The following MSI2 variants were observed in gnomAD, a reference collection of about 807,000 sequenced individuals.
MSI2 encodes musashi RNA binding protein 2, also known as RNA-binding protein Musashi homolog 2.
MSI2 carries 17 observed loss-of-function variants against 45.6 expected under a neutral mutation model. The observed-to-expected ratio is 0.37, with a 90% CI of 0.26 to 0.56. MSI2 has a LOEUF of 0.56. Among genes scored for constraint, MSI2 ranks in the 20% least tolerant of loss-of-function variants. The pLI is 0.77. For missense variants in MSI2, 293 were observed against 444.2 expected (o/e 0.66, Z 3.06); for synonymous variants, 156 against 158.2 (o/e 0.99, Z 0.11).
At chr17:57,424,973 G>A (rs906852362) in intron 6 of MSI2, among the ~76,000 whole-genome samples, 7 of 152,142 alleles carry the variant, frequency 4.6e-5, no homozygotes, top group African/African-American at 1.4e-4. Flanking sequence ...GATCCTCAGC[G>A]AGGCCCCATT....
intron 5 of MSI2, among the ~76,000 whole-genome samples, chr17:57,359,549 G>T (rs942299433): frequency 1.3e-5 from 2 of 152,170 alleles, no homozygotes; most frequent in African/African-American, 4.8e-5. Flanking sequence ...CTCAATAAAA[G>T]CTGGTAGTGA....
chr17:57,461,641 T>A (rs1317193414), intron 6 of MSI2, among the ~76,000 whole-genome samples: 1 of 151,886 alleles, frequency 6.6e-6, no homozygotes, highest in African/African-American at 2.4e-5. Context: ...GTTCAAGCGA[T>A]TCTCCTGCCT....
chr17:57,650,682 CTT>C (rs1911071460), intron 10 of MSI2, among the ~76,000 whole-genome samples: 1 of 152,224 alleles, frequency 6.6e-6, no homozygotes, highest in Non-Finnish European at 1.5e-5. Flanking sequence ...AAGTATGTCT[CTT>C]TTCATTGACA....
At chr17:57,349,553 G>C (rs1915858204) in intron 5 of MSI2, among the ~76,000 whole-genome samples, 1 of 152,298 alleles carries the variant, frequency 6.6e-6, no homozygotes, top group South Asian at 2.1e-4. Flanking sequence ...ACTGGGGGAA[G>C]AAGAAAGATG....
chr17:57,321,887 C>T (rs1009724337), intron 5 of MSI2, among the ~76,000 whole-genome samples: 1 of 152,046 alleles, frequency 6.6e-6, no homozygotes, highest in East Asian at 1.9e-4. Flanking sequence ...ACCTCTGCCT[C>T]CCGGATTCAA....
chr17:57,479,525 G>A (rs947949917), intron 6 of MSI2, among the ~76,000 whole-genome samples: 30 of 152,202 alleles, frequency 2.0e-4, no homozygotes, highest in Admixed American at 1.7e-3. Context: ...AGGTTTAATC[G>A]TAAATGATAA....
At chr17:57,484,223 G>GGA (rs2085707057) in intron 6 of MSI2, among the ~76,000 whole-genome samples, 2 of 152,134 alleles carry the variant, frequency 1.3e-5, no homozygotes, top group Admixed American at 6.5e-5. Flanking sequence ...CTGCTCCTCA[G>GGA]GCAGATGCCC....
At chr17:57,615,274 T>G (rs1907575950) in intron 8 of MSI2, among the ~76,000 whole-genome samples, 1 of 151,944 alleles carries the variant, frequency 6.6e-6, no homozygotes, top group African/African-American at 2.4e-5. Context: ...ACTACAGGTG[T>G]GTGCCACCAC....
rs890431364 is a variant in MSI2 at position 57,497,278 on chromosome 17, A to G, written c.406-32398A>G. Reference sequence around the variant, plus strand: ...AGGCATGAGCCACTGCACCCAGCCTATTGGACCCCTTTAAATGTGACTTTT... The same window carrying G: ...AGGCATGAGCCACTGCACCCAGCCTGTTGGACCCCTTTAAATGTGACTTTT... On this transcript the variant is annotated intron_variant, in intron 6 of 13. Coordinates refer to ENST00000284073, the MANE Select transcript of MSI2 (RefSeq NM_138962.4). Among the ~76,000 whole-genome samples the G allele has an allele frequency of 1.4e-4, 22 of 152,316 alleles. No individual in the cohort carries two copies. In the East Asian group the frequency reaches 3.9e-3, roughly 27 times the overall value.
At chr17:57,697,538 A>T in the MSI2 span, among the ~76,000 whole-genome samples, 1 of 152,010 alleles carries the variant, frequency 6.6e-6, no homozygotes. Context: ...CCTACCCATC[A>T]TTCAGTCACT....
chr17:57,478,597 C>T (rs2085586854), intron 6 of MSI2, among the ~76,000 whole-genome samples: 1 of 152,222 alleles, frequency 6.6e-6, no homozygotes. Flanking sequence ...GCACTGATGT[C>T]ATTGGGTTTC....
chr17:57,353,928 G>A (rs2143856734), intron 5 of MSI2, among the ~76,000 whole-genome samples: 1 of 152,244 alleles, frequency 6.6e-6, no homozygotes, highest in East Asian at 1.9e-4. Context: ...CAGGGATCAG[G>A]ATGCAATATT....
In MSI2 at chr17:57,365,283, T is replaced by C. The variant is rs140511955; in HGVS notation, c.313-36096T>C. ...CTAGTTCTGTGAAACATGATGTTTC[T>C]AAAGCTGGAGGAGAGGCAGTTGAGC... On this transcript the variant is annotated intron_variant, in intron 5 of 13. Coordinates refer to ENST00000284073, the MANE Select transcript of MSI2 (RefSeq NM_138962.4). Among the ~76,000 whole-genome samples, 160 of 152,372 alleles carry C rather than the reference T, an allele frequency of 1.1e-3. 1 individual carries two copies. The highest frequency in any genetic ancestry group is 0.01 in the Middle Eastern group (3 of 294).
At chr17:57,394,994 G>A (rs1241533392) in intron 5 of MSI2, among the ~76,000 whole-genome samples, 2 of 152,208 alleles carry the variant, frequency 1.3e-5, no homozygotes, top group Non-Finnish European at 2.9e-5. Flanking sequence ...AAATCAAAGT[G>A]TCAGCAGGAC....
chr17:57,333,483 G>A (rs979871010), intron 5 of MSI2, among the ~76,000 whole-genome samples: 1 of 151,166 alleles, frequency 6.6e-6, no homozygotes, highest in African/African-American at 2.4e-5. Flanking sequence ...CATCGCCCAG[G>A]CTGGAGTGCA....
chr17:57,258,471 A>G (rs1907021971), intron 4 of MSI2, 117 bp downstream of exon 4: 1 of 908,874 alleles, frequency 1.1e-6, no homozygotes, highest in Non-Finnish European at 1.8e-6. Flanking sequence ...GGGTAGTTTT[A>G]AACTGAGCTA....
At position 57,683,303 on chromosome 17, in the gene MSI2, T is replaced by A; in HGVS notation, c.*3786T>A. On this transcript the variant is annotated 3_prime_UTR_variant, in exon 14 of 14. Transcript: ENST00000284073. The surrounding 1 kb of genome is among the most constrained non-coding windows in gnomAD (Gnocchi z 5.2). ...TTCAGTTTTTGTTCTTGGTTTTGTTTTGTTTTTGATTTCTTGGGGGTGGGT... is the reference window on the plus strand; with the variant it reads ...TTCAGTTTTTGTTCTTGGTTTTGTTATGTTTTTGATTTCTTGGGGGTGGGT... The A allele has an allele frequency of 4.3e-6, 1 of 231,034 alleles. No individual in the cohort carries two copies. The highest frequency in any genetic ancestry group is 6.1e-5 in the East Asian group (1 of 16,286). The allele number at this position is 231,034 out of a possible 1,614,324, so 14.3% of individuals were successfully genotyped here.
rs1288115800 is a variant in MSI2 at position 57,469,076 on chromosome 17, T to C, written c.406-60600T>C. ...CCCTGGAGAAAGGCTGCTTTCAAGTTGGTAAAAGCCTCAGGAGACCATGGC... is the reference window on the plus strand; with the variant it reads ...CCCTGGAGAAAGGCTGCTTTCAAGTCGGTAAAAGCCTCAGGAGACCATGGC... On this transcript the variant is annotated intron_variant, in intron 6 of 13. Transcript: ENST00000284073. Among the ~76,000 whole-genome samples the C allele has an allele frequency of 2.0e-5, 3 of 152,256 alleles. No individual in the cohort carries two copies. The East Asian group carries it at 5.8e-4, about 29-fold the overall frequency.
intron 5 of MSI2, among the ~76,000 whole-genome samples, chr17:57,298,114 A>G (rs1277418393): frequency 6.6e-6 from 1 of 152,020 alleles, no homozygotes; most frequent in Non-Finnish European, 1.5e-5. Context: ...TGCTTTCCAG[A>G]AGGGCTTCCT....
Sources: allele counts gnomAD v4.1 joint callset (sites outside exome capture counted in the v4.1 genomes callset), GRCh38; gene constraint gnomAD v4.1.1; non-coding constraint Gnocchi (gnomAD v3.1); transcripts MANE v1.5; gene names NCBI Gene and HGNC (gene_info 2026-07-23, HGNC 2026-07-21).